The following PCDH15 variants were observed in gnomAD, a reference collection of about 807,000 sequenced individuals.
PCDH15 encodes the protein protocadherin-15.
Under a neutral mutation model 178.5 loss-of-function variants are expected in PCDH15, and 129 were observed. The observed-to-expected ratio is 0.72, with a 90% CI of 0.63 to 0.84. PCDH15 has a LOEUF of 0.84. PCDH15 is among the 40% of genes least tolerant of loss of function. The pLI, the probability that PCDH15 is intolerant of heterozygous loss-of-function variation, is 0.00. For missense variants in PCDH15, 2,230 were observed against 2,099.9 expected, an observed-to-expected ratio of 1.06 and a Z score of -1.21; for synonymous variants, 800 against 732.0, an observed-to-expected ratio of 1.09 and a Z score of -1.50.
chr10:55,344,289 T>C (rs1844683874), intron 2 of PCDH15, among the ~76,000 whole-genome samples: 1 of 152,134 alleles, frequency 6.6e-6, no homozygotes, highest in African/African-American at 2.4e-5. Context: ...TAGATAGCCG[T>C]TAGAAAATTT....
chr10:53,940,531 C>A (rs1219021489), intron 24 of PCDH15, among the ~76,000 whole-genome samples: 1 of 152,044 alleles, frequency 6.6e-6, no homozygotes, highest in Admixed American at 6.6e-5. Context: ...CTACTGTAGG[C>A]AATGATCATG....
intron 13 of PCDH15, among the ~76,000 whole-genome samples, chr10:54,176,287 AAGTT>A (rs901294359): frequency 2.6e-5 from 4 of 152,162 alleles, no homozygotes; most frequent in South Asian, 2.1e-4. Flanking sequence ...AGACACGTAA[AAGTT>A]AGCCTTAACG....
At chr10:54,908,413 G>C (rs1954762174) in intron 2 of PCDH15, among the ~76,000 whole-genome samples, 1 of 152,132 alleles carries the variant, frequency 6.6e-6, no homozygotes, top group South Asian at 2.1e-4. Context: ...GGAGACACCA[G>C]GAACTGCAGA....
intron 2 of PCDH15, chr10:55,599,416 G>T (rs547029826): frequency 6.6e-6 from 1 of 152,336 alleles, no homozygotes; most frequent in Admixed American, 6.5e-5. Flanking sequence ...GTCCTATAGA[G>T]AGTAAAAGAT....
chr10:55,302,821 C>A (rs1433152381), intron 1 of PCDH15, among the ~76,000 whole-genome samples: 1 of 151,988 alleles, frequency 6.6e-6, no homozygotes, highest in Non-Finnish European at 1.5e-5. Context: ...TTTCTTTAAT[C>A]CATACTAAAT....
chr10:54,130,577 CA>C (rs1219199346), intron 15 of PCDH15, among the ~76,000 whole-genome samples: 3 of 151,146 alleles, frequency 2.0e-5, no homozygotes, highest in Non-Finnish European at 4.4e-5. Context: ...CACTGCTTCT[CA>C]AACAACTTTT....
intron 2 of PCDH15, among the ~76,000 whole-genome samples, chr10:54,627,214 A>G (rs2134594853): frequency 6.6e-6 from 1 of 152,304 alleles, no homozygotes; most frequent in East Asian, 1.9e-4. Flanking sequence ...TAATGCTGAA[A>G]TGAGACTCTG....
At chr10:55,349,132 C>T (rs1179762150) in intron 2 of PCDH15, among the ~76,000 whole-genome samples, 4 of 152,046 alleles carry the variant, frequency 2.6e-5, no homozygotes, top group African/African-American at 4.8e-5. Flanking sequence ...TATTATGTCT[C>T]CCATGTTTCT....
chr10:53,836,179 T>G (rs940110398), intron 29 of PCDH15, among the ~76,000 whole-genome samples: 3 of 152,044 alleles, frequency 2.0e-5, no homozygotes. Context: ...AGGTCTACTA[T>G]GGATTGAGAA....
chr10:55,602,080 G>A (rs1318607463), intron 2 of PCDH15, among the ~76,000 whole-genome samples: 3 of 152,126 alleles, frequency 2.0e-5, no homozygotes, highest in Admixed American at 6.5e-5. Context: ...CTCGGGAGGC[G>A]CAAGGGGTCA....
chr10:54,861,675 T>C (rs532235911), intron 3 of PCDH15, among the ~76,000 whole-genome samples: 1 of 152,296 alleles, frequency 6.6e-6, no homozygotes, highest in South Asian at 2.1e-4. Flanking sequence ...CTATTGAACA[T>C]TGCACTGGAA....
chr10:53,915,214 A>C (rs2083436528), intron 25 of PCDH15, among the ~76,000 whole-genome samples: 1 of 152,244 alleles, frequency 6.6e-6, no homozygotes, highest in Non-Finnish European at 1.5e-5. Flanking sequence ...CCCACTAGAC[A>C]GAATTAACAG....
chr10:54,824,475 G>T (rs1462749368), intron 3 of PCDH15, among the ~76,000 whole-genome samples: 1 of 152,114 alleles, frequency 6.6e-6, no homozygotes, highest in East Asian at 1.9e-4. Context: ...GAACAGTCAG[G>T]ATGCATGAGT....
chr10:54,239,432 T>TATATAGAGAGAGAGAGAGAG lies in PCDH15; in HGVS notation c.877-2502_877-2501insCTCTCTCTCTCTCTCTATAT, dbSNP rs1554853331. Among the ~76,000 whole-genome samples the TATATAGAGAGAGAGAGAGAG allele has an allele frequency of 3.7e-4, 55 of 150,638 alleles. 1 individual carries two copies. The highest frequency in any genetic ancestry group is 1.3e-3 in the African/African-American group (53 of 41,052). ...GTGATTAAATATATATATATATATA[T>TATATAGAGAGAGAGAGAGAG]AGAGTAAGAACTGAAGAACTAAAAA... On this transcript the variant is annotated intron_variant, in intron 8 of 37. Coordinates refer to ENST00000644397, the MANE Select transcript of PCDH15 (RefSeq NM_001384140.1).
At chr10:55,106,699 T>C (rs978338603) in intron 2 of PCDH15, among the ~76,000 whole-genome samples, 2 of 152,162 alleles carry the variant, frequency 1.3e-5, no homozygotes, top group Admixed American at 6.5e-5. Context: ...ATTACAGGCA[T>C]GAGCAAATCT....
At chr10:54,479,864 C>T (rs2078582238) in intron 3 of PCDH15, among the ~76,000 whole-genome samples, 1 of 151,956 alleles carries the variant, frequency 6.6e-6, no homozygotes, top group Admixed American at 6.6e-5. Context: ...CATTTACTAT[C>T]CACCATTCAC....
chr10:54,989,419 T>G (rs1011548153), intron 2 of PCDH15, among the ~76,000 whole-genome samples: 19 of 152,256 alleles, frequency 1.2e-4, no homozygotes, highest in African/African-American at 4.3e-4. Context: ...TGCCAGGACA[T>G]GAAAGCAGCC....
intron 2 of PCDH15, among the ~76,000 whole-genome samples, chr10:54,622,047 T>G (rs571739358): frequency 1.3e-4 from 20 of 151,400 alleles, no homozygotes; most frequent in Middle Eastern, 6.8e-3. Context: ...CTGTGCTTAC[T>G]AAATCACCAG....
chr10:54,640,777 G>T (rs752740892), intron 2 of PCDH15, among the ~76,000 whole-genome samples: 1 of 151,982 alleles, frequency 6.6e-6, no homozygotes, highest in Non-Finnish European at 1.5e-5. Context: ...ACTTCTTCAC[G>T]ATGCCTTTTT....
Sources: gnomAD v4.1 joint callset for allele counts (sites outside exome capture counted in the v4.1 genomes callset) on GRCh38, gnomAD v4.1.1 for gene constraint, MANE v1.5 for transcripts, NCBI Gene and HGNC (gene_info 2026-07-23, HGNC 2026-07-21) for gene names.